The following NEGR1 variants were observed in gnomAD, a reference collection of about 807,000 sequenced individuals.
NEGR1 encodes the protein neuronal growth regulator 1.
NEGR1 carries 10 observed loss-of-function variants against 40.9 expected under a neutral mutation model. The ratio of observed to expected loss-of-function variants is 0.24; its 90% CI spans 0.15 to 0.42. The LOEUF is 0.42. NEGR1 is among the 10% of genes least tolerant of loss of function. The probability of loss-of-function intolerance (pLI) is 1.00; values close to 1 mark genes in which losing one functional copy is unlikely to be tolerated. For missense variants in NEGR1, 352 were observed against 438.9 expected (o/e 0.80, Z 1.77); for synonymous variants, 185 against 166.8 (o/e 1.11, Z -0.84).
At chr1:71,705,365 A>G (rs1294847546) in intron 3 of NEGR1, among the ~76,000 whole-genome samples, 1 of 152,230 alleles carries the variant, frequency 6.6e-6, no homozygotes, top group Non-Finnish European at 1.5e-5. Context: ...ATTACACAGA[A>G]AGCAAAACTA....
chr1:72,133,817 TAAATA>T (rs1294329688), intron 1 of NEGR1, among the ~76,000 whole-genome samples: 5 of 151,702 alleles, frequency 3.3e-5, no homozygotes, highest in East Asian at 1.9e-4. Flanking sequence ...TTATCCCATT[TAAATA>T]AAATAAATTA....
intron 3 of NEGR1, among the ~76,000 whole-genome samples, chr1:71,730,569 T>TATATATATATATATATATATA (rs1553161610): frequency 4.5e-5 from 6 of 134,708 alleles, no homozygotes; most frequent in Non-Finnish European, 9.4e-5. Context: ...TAGTATAAAT[T>TATATATATATATATATATATA]TATATATATA....
chr1:72,183,249 A>G (rs1419357008), intron 1 of NEGR1, among the ~76,000 whole-genome samples: 1 of 152,120 alleles, frequency 6.6e-6, no homozygotes, highest in Non-Finnish European at 1.5e-5. Flanking sequence ...CCAACACAGT[A>G]TCTTTGCCAA....
chr1:71,412,406 C>A (rs772893784), intron 6 of NEGR1, among the ~76,000 whole-genome samples: 1 of 152,088 alleles, frequency 6.6e-6, no homozygotes, highest in Non-Finnish European at 1.5e-5. Context: ...CTGCTTATAC[C>A]TGACTTCAGA....
chr1:71,479,224 C>T (rs1646839603), intron 6 of NEGR1, among the ~76,000 whole-genome samples: 1 of 151,944 alleles, frequency 6.6e-6, no homozygotes, highest in South Asian at 2.1e-4. Flanking sequence ...CTGTGCTCAT[C>T]AGTCGACGCA....
At chr1:71,988,252 G>A (rs1368385645) in intron 1 of NEGR1, among the ~76,000 whole-genome samples, 1 of 152,110 alleles carries the variant, frequency 6.6e-6, no homozygotes, top group Admixed American at 6.5e-5. Flanking sequence ...AAGGGAGGAA[G>A]AAAAAAGAAG....
At chr1:71,818,624 C>T (rs1035855583) in intron 2 of NEGR1, among the ~76,000 whole-genome samples, 9 of 151,952 alleles carry the variant, frequency 5.9e-5, no homozygotes, top group Admixed American at 3.3e-4. Context: ...GTACACCAAA[C>T]TTCTGTGAAG....
chr1:71,396,454 A>G lies in NEGR1; in HGVS notation c.*10992T>C, dbSNP rs1336161533. 4 of 152,254 alleles carry G rather than the reference A, an allele frequency of 2.6e-5. No homozygotes were observed. Among genetic ancestry groups the G allele is most frequent in the Non-Finnish European group, 4.4e-5 (3 of 68,038 alleles). The allele number at this position is 152,254 out of a possible 1,614,324, so 9.4% of individuals were successfully genotyped here. A position where few individuals can be genotyped will look rare whatever the true frequency, so the allele number is the denominator to read the frequency against. ...TCAACCACTTTTCAGTGTAAATTAAATCTGATTTTTAAAATTTCCAAAATC... is the reference window on the plus strand; with the variant it reads ...TCAACCACTTTTCAGTGTAAATTAAGTCTGATTTTTAAAATTTCCAAAATC... On this transcript the variant is annotated 3_prime_UTR_variant, in exon 7 of 7. Transcript: ENST00000357731.
intron 3 of NEGR1, among the ~76,000 whole-genome samples, chr1:71,772,787 AAT>A (rs1191089029): frequency 6.6e-6 from 1 of 152,112 alleles, no homozygotes; most frequent in Non-Finnish European, 1.5e-5. Context: ...GGTTCAGTGA[AAT>A]ATATATATGT....
chr1:71,677,616 T>C (rs1652688396), intron 4 of NEGR1, among the ~76,000 whole-genome samples: 1 of 152,182 alleles, frequency 6.6e-6, no homozygotes, highest in Non-Finnish European at 1.5e-5. Context: ...ACATTTGCTA[T>C]TCATTAATTT....
At chr1:72,277,901 A>G (rs1229679032) in intron 1 of NEGR1, among the ~76,000 whole-genome samples, 1 of 152,136 alleles carries the variant, frequency 6.6e-6, no homozygotes, top group Non-Finnish European at 1.5e-5. Flanking sequence ...ATTGATTTTT[A>G]CTGCTATTGG....
Position 71,473,779 on chromosome 1 carries a change from TTATAAGAG to T in NEGR1, c.941-66217_941-66210del, listed in dbSNP as rs1393826867. ...TCAAAATATTCCCTTATCCCTGTAA[TTATAAGAG>T]TATAAAACAAAAGAGCTCCAAATTC... On this transcript the variant is annotated intron_variant, in intron 6 of 6. Transcript: ENST00000357731. Among the ~76,000 whole-genome samples, 7 of 152,194 alleles carry T rather than the reference TTATAAGAG, an allele frequency of 4.6e-5. No individual in the cohort carries two copies. The South Asian group carries it at 1.5e-3, about 32-fold the overall frequency.
intron 6 of NEGR1, among the ~76,000 whole-genome samples, chr1:71,508,466 C>T (rs1013059775): frequency 2.4e-4 from 36 of 151,098 alleles, no homozygotes; most frequent in Admixed American, 1.1e-3. Flanking sequence ...GGCTACTATA[C>T]GAAAAGCAAA....
chr1:71,413,033 G>A (rs1646333307), intron 6 of NEGR1, among the ~76,000 whole-genome samples: 1 of 18,332 alleles, frequency 5.5e-5, no homozygotes, highest in African/African-American at 7.4e-5. Context: ...ATAATATATG[G>A]ACTGTAGAGC....
intron 1 of NEGR1, among the ~76,000 whole-genome samples, chr1:71,986,961 T>C (rs1183396775): frequency 6.6e-6 from 1 of 152,210 alleles, no homozygotes; most frequent in African/African-American, 2.4e-5. Flanking sequence ...AAAATTGCAA[T>C]ATCTGCCTTG....
At chr1:71,610,970 C>T in intron 5 of NEGR1, 56 bp downstream of exon 5, 1 of 1,562,006 alleles carries the variant, frequency 6.4e-7, no homozygotes, top group Non-Finnish European at 8.8e-7. Flanking sequence ...GTATCTGAAA[C>T]ACAAGCACGT....
chr1:71,468,783 G>A (rs1646763677), intron 6 of NEGR1: 1 of 151,972 alleles, frequency 6.6e-6, no homozygotes, highest in Admixed American at 6.6e-5. Flanking sequence ...GCCTTTTCAT[G>A]AAAGATGTTT....
intron 1 of NEGR1, among the ~76,000 whole-genome samples, chr1:71,976,266 A>G (rs1474066181): frequency 1.3e-5 from 2 of 152,212 alleles, no homozygotes; most frequent in Non-Finnish European, 2.9e-5. Context: ...CTTGAAATAC[A>G]GTTAAGAATT....
chr1:72,280,903 A>G (rs760220540), intron 1 of NEGR1, among the ~76,000 whole-genome samples: 16 of 152,294 alleles, frequency 1.1e-4, no homozygotes, highest in Admixed American at 5.9e-4. Flanking sequence ...GTGGAGAAAA[A>G]GAAGATCTTT....
Sources: allele counts gnomAD v4.1 joint callset (sites outside exome capture counted in the v4.1 genomes callset), GRCh38; gene constraint gnomAD v4.1.1; transcripts MANE v1.5; gene names NCBI Gene and HGNC (gene_info 2026-07-23, HGNC 2026-07-21).